Variants in TSHR observed in about 807,000 individuals in gnomAD.
The protein encoded by TSHR is thyrotropin receptor.
TSHR carries 51 observed loss-of-function variants against 64.1 expected under a neutral mutation model. That is an observed-to-expected ratio of 0.80 (90% CI 0.64 to 1.01). TSHR has a LOEUF of 1.01. TSHR is among the 50% of genes least tolerant of loss of function. TSHR has a pLI of 0.00. For synonymous variants in TSHR, 361 were observed against 361.9 expected, an observed-to-expected ratio of 1.00 and a Z score of 0.03; for missense variants, 877 against 942.8, an observed-to-expected ratio of 0.93 and a Z score of 0.91.
At chr14:81,019,691 C>T (rs181989522) in intron 1 of TSHR, among the ~76,000 whole-genome samples, 1,829 of 150,790 alleles carry the variant, frequency 0.012, 21 homozygotes, top group African/African-American at 0.016. Context: ...CTCCCACTTA[C>T]GAGTGAGAAC....
intron 8 of TSHR, among the ~76,000 whole-genome samples, chr14:81,129,640 C>G (rs1340983018): frequency 6.6e-6 from 1 of 152,226 alleles, no homozygotes; most frequent in East Asian, 1.9e-4. Flanking sequence ...CTAGTCCTCT[C>G]CCTCATTCTC....
At chr14:81,054,166 C>G (rs893474344) in intron 1 of TSHR, among the ~76,000 whole-genome samples, 1 of 152,156 alleles carries the variant, frequency 6.6e-6, no homozygotes, top group Non-Finnish European at 1.5e-5. Flanking sequence ...GTGAATAAGT[C>G]TCACAAGATC....
chr14:81,111,453 T>C (rs956169107), intron 8 of TSHR, among the ~76,000 whole-genome samples: 11 of 152,186 alleles, frequency 7.2e-5, no homozygotes, highest in African/African-American at 2.2e-4. Flanking sequence ...CCAAACCTCT[T>C]TGGGTTCACA....
chr14:81,072,814 G>A lies in TSHR; in HGVS notation c.317+4486G>A, dbSNP rs1329519728. 5.1e-5 allele frequency among the ~76,000 whole-genome samples: 7 copies of A among 136,638 alleles called. 1 individual carries two copies. The highest frequency in any genetic ancestry group is 1.7e-4 in the African/African-American group (5 of 29,292). The allele number at this position is 136,638 out of a possible 152,430, so 89.6% of individuals were successfully genotyped here. On this transcript the variant is annotated intron_variant, in intron 3 of 9. Transcript: ENST00000298171. ...AGATCGAGACCATCCCGGCTAAAAC[G>A]GTGAAACCCCGTCTCTACTAAAAAT...
chr14:81,034,621 T>TAGTC (rs1192317670), intron 1 of TSHR, among the ~76,000 whole-genome samples: 4 of 152,240 alleles, frequency 2.6e-5, no homozygotes, highest in African/African-American at 9.6e-5. Flanking sequence ...CTCAAATAAT[T>TAGTC]AGTCATAGCT....
chr14:81,067,939 A>ATATATATATATATATATATAT (rs1886764280), intron 2 of TSHR, among the ~76,000 whole-genome samples: 1 of 138,522 alleles, frequency 7.2e-6, no homozygotes, highest in African/African-American at 2.9e-5. Flanking sequence ...ATATATATAT[A>ATATATATATATATATATATAT]TATATATATA....
rs117297854 is a variant in TSHR at position 81,096,819 on chromosome 14, G to A, written c.614+112G>A. The stretch of plus-strand genomic sequence containing the variant: ...CTACCAGAGCATCTTCCACGCCAGA[G>A]TTAGTGTGACCAACATGGAAATGAG... On this transcript the variant is annotated intron_variant, in intron 7 of 9. Transcript: ENST00000298171. The A allele has an allele frequency of 1.7e-3, 2,051 of 1,220,150 alleles. 19 individuals are homozygous for A. Among genetic ancestry groups the A allele is most frequent in the East Asian group, 0.01 (404 of 39,048 alleles). 75.6% of individuals were successfully genotyped at this position (1,220,150 alleles called of 1,614,324 possible). A position where few individuals can be genotyped will look rare whatever the true frequency, so the allele number is the denominator to read the frequency against.
At chr14:81,118,756 C>T (rs1890646802) in intron 8 of TSHR, among the ~76,000 whole-genome samples, 1 of 152,104 alleles carries the variant, frequency 6.6e-6, no homozygotes, top group Non-Finnish European at 1.5e-5. Context: ...CTGGAGGCAT[C>T]ACACTACCTG....
At chr14:81,049,671 T>C (rs1885336745) in intron 1 of TSHR, 1 of 152,234 alleles carries the variant, frequency 6.6e-6, no homozygotes, top group Non-Finnish European at 1.5e-5. Context: ...TCTGTGTCCC[T>C]ACCCAAGTCT....
chr14:81,139,792 T>TC lies in TSHR; in HGVS notation c.808dup (p.Leu270ProfsTer7). 1 of 1,614,214 alleles carries TC rather than the reference T, an allele frequency of 6.2e-7. No individual in the cohort carries two copies. Among genetic ancestry groups the TC allele is most frequent in the South Asian group, 1.1e-5 (1 of 91,088 alleles). On this transcript the variant is annotated frameshift_variant, in exon 9 of 10. Coordinates refer to ENST00000298171, the MANE Select transcript of TSHR (RefSeq NM_000369.5). LOFTEE classifies it high-confidence loss of function. ...AAGAAACTTCCACTTTCCTTGAGTT[T>TC]CCTTCACCTCACACGGGCTGACCTT... is the stretch of plus-strand genomic sequence containing the variant.
At chr14:80,998,258 T>C (rs1016974128) in intron 1 of TSHR, among the ~76,000 whole-genome samples, 3 of 152,102 alleles carry the variant, frequency 2.0e-5, no homozygotes, top group Admixed American at 1.3e-4. Flanking sequence ...AATAAGAGTA[T>C]TGGGGCAGGC....
chr14:80,989,350 G>A (rs1472548582), intron 1 of TSHR, among the ~76,000 whole-genome samples: 1 of 152,118 alleles, frequency 6.6e-6, no homozygotes, highest in Non-Finnish European at 1.5e-5. Flanking sequence ...TTCTCTCATA[G>A]TAGGTGTTCC....
At chr14:80,991,477 A>G (rs959882359) in intron 1 of TSHR, 16 of 396,494 alleles carry the variant, frequency 4.0e-5, no homozygotes, top group Non-Finnish European at 6.2e-5. Flanking sequence ...TAATGGTGAC[A>G]TGTCCCAGAA....
intron 1 of TSHR, chr14:81,052,508 G>A (rs1198966703): frequency 1.3e-5 from 2 of 152,066 alleles, no homozygotes; most frequent in Admixed American, 6.6e-5. Flanking sequence ...ATTTTTGCTC[G>A]AGATTGCTTT....
intron 8 of TSHR, among the ~76,000 whole-genome samples, chr14:81,110,818 G>T (rs2140037984): frequency 6.6e-6 from 1 of 152,174 alleles, no homozygotes; most frequent in East Asian, 1.9e-4. Context: ...TTTCAACTAG[G>T]ACGGCCATTT....
intron 1 of TSHR, chr14:80,983,680 C>T (rs1357844943): frequency 1.6e-6 from 1 of 641,016 alleles, no homozygotes; most frequent in Non-Finnish European, 2.6e-6. Context: ...TCTCCAAACT[C>T]TAGCAGGCTG....
At chr14:81,129,737 C>T (rs551191787) in intron 8 of TSHR, among the ~76,000 whole-genome samples, 1 of 152,320 alleles carries the variant, frequency 6.6e-6, no homozygotes, top group South Asian at 2.1e-4. Context: ...CCACATCTAC[C>T]CATCTTCCTG....
chr14:81,137,229 G>A (rs1891491285), intron 8 of TSHR, among the ~76,000 whole-genome samples: 2 of 152,182 alleles, frequency 1.3e-5, no homozygotes, highest in African/African-American at 4.8e-5. Flanking sequence ...TGCTGGTCCA[G>A]AGTGATCCCT....
intron 2 of TSHR, among the ~76,000 whole-genome samples, chr14:81,063,810 G>T (rs1392312029): frequency 6.6e-6 from 1 of 151,972 alleles, no homozygotes; most frequent in Non-Finnish European, 1.5e-5. Context: ...TCACATAAGA[G>T]GTCTATTACC....
Sources: gnomAD v4.1 joint callset for allele counts (sites outside exome capture counted in the v4.1 genomes callset) on GRCh38, gnomAD v4.1.1 for gene constraint, MANE v1.5 for transcripts, NCBI Gene and HGNC (gene_info 2026-07-23, HGNC 2026-07-21) for gene names.